The following RPRD1A variants were observed in gnomAD, a reference collection of about 807,000 sequenced individuals.
RPRD1A encodes regulation of nuclear pre-mRNA domain-containing protein 1A.
A neutral mutation model predicts 37.8 loss-of-function variants in RPRD1A; 9 were observed. That is an observed-to-expected ratio of 0.24 (90% CI 0.14 to 0.42). The LOEUF (loss-of-function observed/expected upper bound fraction) is 0.42, where lower values mean the gene tolerates loss of function less well. Among genes scored for constraint, RPRD1A ranks in the 10% least tolerant of loss-of-function variants. RPRD1A has a pLI of 1.00. For missense variants in RPRD1A, 255 were observed against 371.0 expected (o/e 0.69, Z 2.57); for synonymous variants, 138 against 139.7 (o/e 0.99, Z 0.08).
rs551967226 is a variant in RPRD1A at position 36,004,041 on chromosome 18, G to A, written c.790-10741C>T. On this transcript the variant is annotated intron_variant, in intron 6 of 6. Transcript: ENST00000399022. ...TTTTTTTTTGTAGAGACTGGGTTTC[G>A]CCATGTTGCGTAGGCTGTTCTTGAA... is the stretch of plus-strand genomic sequence containing the variant. Among the ~76,000 whole-genome samples, 8 of 128,340 alleles carry A rather than the reference G, an allele frequency of 6.2e-5. No individual in the cohort carries two copies. In the South Asian group the frequency reaches 9.5e-4, roughly 15 times the overall value. The allele number at this position is 128,340 out of a possible 152,430, so 84.2% of individuals were successfully genotyped here. A position where few individuals can be genotyped will look rare whatever the true frequency, so the allele number is the denominator to read the frequency against.
At chr18:36,007,074 CCT>C (rs1568116995) in intron 6 of RPRD1A, among the ~76,000 whole-genome samples, 2 of 152,040 alleles carry the variant, frequency 1.3e-5, no homozygotes, top group Admixed American at 1.3e-4. Flanking sequence ...CCCTTGCCAC[CCT>C]GTGTTTTACT....
intron 1 of RPRD1A, among the ~76,000 whole-genome samples, chr18:36,034,519 T>C (rs1912047652): frequency 6.6e-6 from 1 of 152,230 alleles, no homozygotes; most frequent in South Asian, 2.1e-4. Context: ...CTGGTTACAA[T>C]GTTAAATAGC....
At chr18:36,036,853 C>A (rs1356120821) in intron 1 of RPRD1A, among the ~76,000 whole-genome samples, 2 of 152,118 alleles carry the variant, frequency 1.3e-5, no homozygotes, top group Non-Finnish European at 2.9e-5. Flanking sequence ...CAAAGAAATG[C>A]CACTGTTGGC....
At chr18:36,034,640 A>G (rs1037531566) in intron 1 of RPRD1A, among the ~76,000 whole-genome samples, 11 of 152,202 alleles carry the variant, frequency 7.2e-5, no homozygotes, top group Admixed American at 7.2e-4. Context: ...GAATCACTCA[A>G]TGTAGTACAG....
At chr18:36,039,966 G>A (rs1912469948) in intron 1 of RPRD1A, among the ~76,000 whole-genome samples, 1 of 152,030 alleles carries the variant, frequency 6.6e-6, no homozygotes, top group African/African-American at 2.4e-5. Flanking sequence ...TACAGGTCTT[G>A]TACAAGAAAA....
At position 36,060,408 on chromosome 18, in the gene RPRD1A, T is replaced by C. The variant is rs149615142; in HGVS notation, c.151+6846A>G. 6.5e-3 allele frequency among the ~76,000 whole-genome samples: 986 copies of C among 152,186 alleles called. 5 individuals carry two copies. Among genetic ancestry groups the C allele is most frequent in the Admixed American group, 8.3e-3 (127 of 15,278 alleles). ...GAGATCGCGCCACTGCACTCCAGCCTGGGCAACAAAGCGAGACTCTGTCTC... is the reference window on the plus strand; with the variant it reads ...GAGATCGCGCCACTGCACTCCAGCCCGGGCAACAAAGCGAGACTCTGTCTC... On this transcript the variant is annotated intron_variant, in intron 1 of 6. Coordinates refer to ENST00000399022, the MANE Select transcript of RPRD1A (RefSeq NM_018170.5).
intron 1 of RPRD1A, among the ~76,000 whole-genome samples, chr18:36,039,439 T>G (rs1478094408): frequency 1.3e-5 from 2 of 152,178 alleles, no homozygotes; most frequent in South Asian, 2.1e-4. Flanking sequence ...CACAAACAAT[T>G]CATCTAAAAG....
intron 6 of RPRD1A, among the ~76,000 whole-genome samples, chr18:35,998,466 G>A (rs1460226713): frequency 2.0e-5 from 3 of 152,116 alleles, no homozygotes; most frequent in Non-Finnish European, 4.4e-5. Flanking sequence ...TCTGTTGACC[G>A]AAGCCACTTT....
At chr18:36,027,837 A>G (rs1019621902) in intron 4 of RPRD1A, 2 of 152,664 alleles carry the variant, frequency 1.3e-5, no homozygotes, top group African/African-American at 4.8e-5. Flanking sequence ...ATGTAGTTCT[A>G]GAATATGTTC....
intron 6 of RPRD1A, among the ~76,000 whole-genome samples, chr18:36,015,159 T>C (rs9950564): frequency 0.21 from 19,690 of 92,740 alleles, 2,105 homozygotes; most frequent in African/African-American, 0.37. Context: ...CACACACACA[T>C]ATATACACAT....
At chr18:35,993,844 C>CCTGGTGCTG (rs1908858611) in intron 6 of RPRD1A, among the ~76,000 whole-genome samples, 1 of 152,162 alleles carries the variant, frequency 6.6e-6, no homozygotes, top group Non-Finnish European at 1.5e-5. Context: ...ACCCCAACTA[C>CCTGGTGCTG]CTGGTGCTGA....
At chr18:36,057,397 C>T (rs1289971410) in intron 1 of RPRD1A, among the ~76,000 whole-genome samples, 7 of 151,982 alleles carry the variant, frequency 4.6e-5, no homozygotes, top group Non-Finnish European at 1.0e-4. Context: ...CACTTGAGCC[C>T]AGGAGTTTGA....
At chr18:36,066,632 G>T (rs555488392) in intron 1 of RPRD1A, among the ~76,000 whole-genome samples, 1 of 152,190 alleles carries the variant, frequency 6.6e-6, no homozygotes, top group South Asian at 2.1e-4. Context: ...ACTGCATTAG[G>T]GCATATAATC....
intron 1 of RPRD1A, among the ~76,000 whole-genome samples, chr18:36,044,880 T>C (rs1254734602): frequency 6.6e-6 from 1 of 151,654 alleles, no homozygotes; most frequent in Admixed American, 6.6e-5. Context: ...CAAAAGGGCA[T>C]CAAAAATAAA....
chr18:36,015,830 A>C (rs1213839419), intron 6 of RPRD1A, among the ~76,000 whole-genome samples: 2 of 152,196 alleles, frequency 1.3e-5, no homozygotes, highest in African/African-American at 4.8e-5. Context: ...AAATTGTTGA[A>C]TGGGTAGGTA....
intron 6 of RPRD1A, among the ~76,000 whole-genome samples, chr18:36,011,837 C>T (rs1910199178): frequency 6.6e-6 from 1 of 152,178 alleles, no homozygotes; most frequent in Non-Finnish European, 1.5e-5. Context: ...AGAGTCCACC[C>T]TTGTCTACAA....
chr18:36,027,484 C>T, intron 4 of RPRD1A, 174 bp from the exon 5 acceptor site: 1 of 627,210 alleles, frequency 1.6e-6, no homozygotes, highest in East Asian at 2.8e-5. Flanking sequence ...GGAGGCTATA[C>T]TATGTTAGGT....
At chr18:36,013,215 C>A (rs1910288151) in intron 6 of RPRD1A, among the ~76,000 whole-genome samples, 1 of 152,022 alleles carries the variant, frequency 6.6e-6, no homozygotes, top group Non-Finnish European at 1.5e-5. Context: ...TCAACAGAGA[C>A]CACAAAAATC....
At chr18:36,024,161 G>A (rs115928728) in intron 6 of RPRD1A, among the ~76,000 whole-genome samples, 1,628 of 151,830 alleles carry the variant, frequency 0.011, 35 homozygotes, top group African/African-American at 0.037. Flanking sequence ...GCACGCGCAC[G>A]CGCGTGATGG....
Sources: allele counts gnomAD v4.1 joint callset (sites outside exome capture counted in the v4.1 genomes callset), GRCh38; gene constraint gnomAD v4.1.1; transcripts MANE v1.5; gene names NCBI Gene and HGNC (gene_info 2026-07-23, HGNC 2026-07-21).